EYS: variants seen among roughly 807,000 people sequenced by gnomAD.
EYS encodes the protein protein eyes shut homolog.
A neutral mutation model predicts 282.1 loss-of-function variants in EYS; 250 were observed. The observed-to-expected ratio is 0.89, with a 90% CI of 0.80 to 0.98. The LOEUF is 0.98. EYS is among the 50% of genes least tolerant of loss of function. The pLI, the probability that EYS is intolerant of heterozygous loss-of-function variation, is 0.00. For missense variants in EYS, 4,016 were observed against 3,709.0 expected (o/e 1.08, Z -2.15); for synonymous variants, 1,355 against 1,282.9 (o/e 1.06, Z -1.20).
intron 22 of EYS, among the ~76,000 whole-genome samples, chr6:64,650,082 G>A (rs1768503823): frequency 6.6e-6 from 1 of 151,898 alleles, no homozygotes. Context: ...GGGAATTTTA[G>A]AAAATACTGT....
chr6:65,182,110 TGAC>T (rs1301795410), intron 12 of EYS, among the ~76,000 whole-genome samples: 2 of 151,852 alleles, frequency 1.3e-5, no homozygotes, highest in African/African-American at 4.8e-5. Flanking sequence ...TAATGTTAAA[TGAC>T]GAGTTAATGG....
chr6:64,414,332 G>A (rs1027735697), intron 28 of EYS, among the ~76,000 whole-genome samples: 1 of 152,084 alleles, frequency 6.6e-6, no homozygotes, highest in African/African-American at 2.4e-5. Context: ...TTCACGTTTT[G>A]TGTATAAATT....
chr6:64,002,901 A>G (rs1299038627), intron 33 of EYS, among the ~76,000 whole-genome samples: 1 of 152,216 alleles, frequency 6.6e-6, no homozygotes, highest in African/African-American at 2.4e-5. Context: ...GACACTGAAC[A>G]TATGTTTTTT....
At chr6:65,384,018 A>T (rs1765711802) in intron 8 of EYS, among the ~76,000 whole-genome samples, 1 of 151,886 alleles carries the variant, frequency 6.6e-6, no homozygotes, top group Non-Finnish European at 1.5e-5. Context: ...AAAACTATTC[A>T]CTAAAAAAGC....
At chr6:65,379,125 C>T (rs999372147) in intron 8 of EYS, among the ~76,000 whole-genome samples, 1 of 151,980 alleles carries the variant, frequency 6.6e-6, no homozygotes, top group Non-Finnish European at 1.5e-5. Context: ...ATGAGTCCAG[C>T]ATCATCCTGA....
At chr6:65,007,403 G>A (rs182873652) in intron 13 of EYS, among the ~76,000 whole-genome samples, 31 of 152,180 alleles carry the variant, frequency 2.0e-4, no homozygotes, top group African/African-American at 6.7e-4. Context: ...CTGCAGTACC[G>A]CCTGGCCACT....
chr6:64,021,674 C>G (rs933233909), intron 33 of EYS, among the ~76,000 whole-genome samples: 1 of 152,010 alleles, frequency 6.6e-6, no homozygotes, highest in Non-Finnish European at 1.5e-5. Flanking sequence ...GTAGGGAATA[C>G]ATTCACTACA....
chr6:63,937,433 T>C (rs1253985247), intron 35 of EYS, among the ~76,000 whole-genome samples: 3 of 131,318 alleles, frequency 2.3e-5, no homozygotes, highest in Non-Finnish European at 4.7e-5. Flanking sequence ...CAGGCTGGAG[T>C]GCAGTGGCTC....
intron 22 of EYS, among the ~76,000 whole-genome samples, chr6:64,638,376 A>C (rs537410963): frequency 1.1e-5 from 1 of 91,632 alleles, no homozygotes; most frequent in East Asian, 2.4e-4. Flanking sequence ...TGAGAATATG[A>C]ATTGTATTTA....
In EYS at chr6:64,886,740, G is replaced by A. The variant is rs772081210; in HGVS notation, c.2949C>T (p.Tyr983=). Residue 983 remains tyrosine (Y), a synonymous_variant, in exon 19 of 43, where the codon TAC becomes TAT. Transcript: ENST00000503581. ...SPCLDEENCV[Y]RTDGYNCLCA... is the part of the protein sequence containing the mutation. ...AGAGGCAGTTGTATCCATCAGTCCT[G>A]TAGACACAATTTTCTTCATCTAGAC... 1.3e-6 allele frequency: 2 copies of A among 1,547,356 alleles called. No individual in the cohort carries two copies. Among genetic ancestry groups the A allele is most frequent in the East Asian group, 2.5e-5 (1 of 40,558 alleles).
intron 28 of EYS, among the ~76,000 whole-genome samples, chr6:64,416,364 T>C (rs1774057533): frequency 6.6e-6 from 1 of 152,172 alleles, no homozygotes; most frequent in Admixed American, 6.5e-5. Context: ...AATCTTCATT[T>C]TCTAGTCTCA....
In EYS at chr6:64,781,649, C is replaced by A. The variant is rs184802848; in HGVS notation, c.3443+31729G>T. ...CACAACAAATCCAGATATGGATAAC[C>A]CTCAGCCCTTGGGCGTCATGTTGAC... On this transcript the variant is annotated intron_variant, in intron 22 of 42. Transcript: ENST00000503581. Among the ~76,000 whole-genome samples the A allele has an allele frequency of 1.2e-3, 186 of 151,882 alleles. 2 individuals are homozygous for A. The highest frequency in any genetic ancestry group is 4.1e-3 in the African/African-American group (172 of 41,450).
intron 31 of EYS, among the ~76,000 whole-genome samples, chr6:64,211,573 ATT>A (rs962375462): frequency 1.5e-5 from 2 of 137,666 alleles, no homozygotes; most frequent in African/African-American, 2.7e-5. Context: ...ATATATATAT[ATT>A]TTTTTTCATA....
intron 12 of EYS, among the ~76,000 whole-genome samples, chr6:65,245,310 G>T (rs1767151951): frequency 6.6e-6 from 1 of 152,158 alleles, no homozygotes; most frequent in African/African-American, 2.4e-5. Context: ...CAAGTACACT[G>T]ATTTTCTCTA....
intron 12 of EYS, among the ~76,000 whole-genome samples, chr6:65,282,808 G>T (rs1390806642): frequency 6.6e-6 from 1 of 151,766 alleles, no homozygotes; most frequent in Non-Finnish European, 1.5e-5. Context: ...TAACTATAAT[G>T]TTTTTATTAA....
intron 36 of EYS, among the ~76,000 whole-genome samples, chr6:63,832,408 A>G (rs1771667904): frequency 6.6e-6 from 1 of 152,220 alleles, no homozygotes; most frequent in African/African-American, 2.4e-5. Flanking sequence ...CCACAGAAAT[A>G]CAAACTACCA....
At chr6:65,289,864 C>T (rs1018657129) in intron 12 of EYS, among the ~76,000 whole-genome samples, 3 of 150,796 alleles carry the variant, frequency 2.0e-5, no homozygotes, top group African/African-American at 7.3e-5. Flanking sequence ...AAATTAAGAG[C>T]AAAAATATAC....
At chr6:63,923,783 G>T (rs1280505671) in intron 35 of EYS, among the ~76,000 whole-genome samples, 2 of 152,120 alleles carry the variant, frequency 1.3e-5, no homozygotes. Flanking sequence ...TTATGTCTAT[G>T]AGTACCCATT....
At chr6:65,623,125 G>A (rs1168258680) in intron 2 of EYS, among the ~76,000 whole-genome samples, 2 of 152,026 alleles carry the variant, frequency 1.3e-5, no homozygotes. Flanking sequence ...TCTAATTACA[G>A]AATTGGGAGG....
Sources: gnomAD v4.1 joint callset for allele counts (sites outside exome capture counted in the v4.1 genomes callset) on GRCh38, gnomAD v4.1.1 for gene constraint, MANE v1.5 for transcripts, NCBI Gene and HGNC (gene_info 2026-07-23, HGNC 2026-07-21) for gene names.